CPLANE1: variants seen among roughly 807,000 people sequenced by gnomAD.
The protein encoded by CPLANE1 is ciliogenesis and planar polarity effector 1.
Under a neutral mutation model 362.5 loss-of-function variants are expected in CPLANE1, and 263 were observed. The observed-to-expected ratio is 0.73, with a 90% CI of 0.66 to 0.80. The LOEUF (loss-of-function observed/expected upper bound fraction) is 0.80, where lower values mean the gene tolerates loss of function less well. Among genes scored for constraint, CPLANE1 ranks in the 30% least tolerant of loss-of-function variants. The pLI is 0.00. For missense variants in CPLANE1, 3,461 were observed against 3,793.4 expected, an observed-to-expected ratio of 0.91 and a Z score of 2.30; for synonymous variants, 1,212 against 1,302.6, an observed-to-expected ratio of 0.93 and a Z score of 1.50.
At chr5:37,245,162 A>T (rs1182019964) in intron 4 of CPLANE1, among the ~76,000 whole-genome samples, 2 of 151,226 alleles carry the variant, frequency 1.3e-5, no homozygotes, top group East Asian at 3.9e-4. Context: ...GAAAAAAAAA[A>T]GTACAAAAAT....
chr5:37,147,137 A>T (rs574582684), intron 43 of CPLANE1, among the ~76,000 whole-genome samples: 22 of 152,350 alleles, frequency 1.4e-4, no homozygotes, highest in Admixed American at 7.2e-4. Flanking sequence ...TCTGGACAAC[A>T]CAATTTAGAA....
rs557010119 is a variant in CPLANE1, at chr5:37,185,139, G to A, written c.4190-60C>T. The A allele has an allele frequency of 6.7e-6, 10 of 1,493,984 alleles. No homozygotes were observed. The East Asian group carries it at 1.8e-4, about 27-fold the overall frequency. 92.5% of individuals were successfully genotyped at this position (1,493,984 alleles called of 1,614,324 possible). A position where few individuals can be genotyped will look rare whatever the true frequency, so the allele number is the denominator to read the frequency against. ...TTAAAATATTTCAATTCAAGACATA[G>A]GAGACCCAACTCTGGTCCCTCCTGG... On this transcript the variant is annotated intron_variant, in intron 24 of 52. Coordinates refer to ENST00000651892, the MANE Select transcript of CPLANE1 (RefSeq NM_001384732.1).
At chr5:37,187,700 G>T in intron 22 of CPLANE1, 33 bp downstream of exon 22, 1 of 1,584,326 alleles carries the variant, frequency 6.3e-7, no homozygotes, top group Non-Finnish European at 8.6e-7. Context: ...CTTAACGTGT[G>T]TTCATTTTTC....
the CPLANE1 span, among the ~76,000 whole-genome samples, chr5:37,098,421 C>G: frequency 7.1e-6 from 1 of 140,430 alleles, no homozygotes; most frequent in Non-Finnish European, 1.5e-5. Context: ...AAAAACCACA[C>G]ACATACACCT....
At chr5:37,217,384 T>C (rs12515577) in intron 15 of CPLANE1, among the ~76,000 whole-genome samples, 16,727 of 151,948 alleles carry the variant, frequency 0.11, 996 homozygotes, top group Admixed American at 0.15. Flanking sequence ...GGCAGGTGGA[T>C]CACCTGAGGT....
downstream of CPLANE1, among the ~76,000 whole-genome samples, chr5:37,103,785 C>T (rs1421684403): frequency 6.6e-6 from 1 of 152,060 alleles, no homozygotes; most frequent in Non-Finnish European, 1.5e-5. Flanking sequence ...GCCTCTCTGG[C>T]TGCCCTTAAC....
Position 37,107,517 on chromosome 5 carries a change from C to A in CPLANE1, c.*85G>T. On this transcript the variant is annotated 3_prime_UTR_variant, in exon 53 of 53. Transcript: ENST00000651892. ...AAAATTCACATTGCTTCTTTCATTG[C>A]TTCTGTCCCTTAAACCTGTTAATCT... 1.5e-6 allele frequency: 2 copies of A among 1,362,602 alleles called. No individual in the cohort carries two copies. The highest frequency in any genetic ancestry group is 1.9e-6 in the Non-Finnish European group (2 of 1,048,798). 84.4% of individuals were successfully genotyped at this position (1,362,602 alleles called of 1,614,324 possible).
At chr5:37,193,148 G>C (rs1461028721) in intron 21 of CPLANE1, among the ~76,000 whole-genome samples, 1 of 150,908 alleles carries the variant, frequency 6.6e-6, no homozygotes, top group East Asian at 2.0e-4. Context: ...CAGCCTGGGC[G>C]ACAGTGCAAG....
In CPLANE1 at chr5:37,238,666, C is replaced by A. The variant is rs577115069; in HGVS notation, c.938+191G>T. On this transcript the variant is annotated intron_variant, in intron 8 of 52. Transcript: ENST00000651892. ...GTCCACCACCATGCTCGGCTAATTT[C>A]TTTTTATTTTTTAGTAAAGATGAGG... Among the ~76,000 whole-genome samples, 7 of 151,068 alleles carry A rather than the reference C, an allele frequency of 4.6e-5. No individual in the cohort carries two copies. In the East Asian group the frequency reaches 1.4e-3, roughly 29 times the overall value.
At chr5:37,173,281 T>C (rs1780289285) in intron 32 of CPLANE1, among the ~76,000 whole-genome samples, 3 of 152,272 alleles carry the variant, frequency 2.0e-5, no homozygotes, top group South Asian at 2.1e-4. Context: ...TATGTGATAG[T>C]GTCAGCTGGA....
chr5:37,124,042 T>C (rs771692183), intron 47 of CPLANE1, among the ~76,000 whole-genome samples: 2 of 151,980 alleles, frequency 1.3e-5, no homozygotes, highest in African/African-American at 4.8e-5. Flanking sequence ...CACTACCATG[T>C]CTCCTGGGCT....
intron 9 of CPLANE1, 124 bp from the exon 10 acceptor site, chr5:37,227,941 A>G: frequency 1.2e-6 from 1 of 847,760 alleles, no homozygotes; most frequent in African/African-American, 1.7e-5. Context: ...GAAACACACA[A>G]AAATATTAAA....
intron 36 of CPLANE1, among the ~76,000 whole-genome samples, chr5:37,165,054 T>G (rs1420456084): frequency 6.6e-6 from 1 of 152,170 alleles, no homozygotes; most frequent in Non-Finnish European, 1.5e-5. Context: ...TGCAGTGAGC[T>G]ATATTTATGC....
In CPLANE1 at chr5:37,226,532, C is replaced by G; in HGVS notation, c.2063G>C (p.Cys688Ser). ...GQLFSEKLLA[C>S]FYLLKMVADN... ...AGCTACCATTTTGAGTAAATAAAAA[C>G]AAGCTAAAAGTTTCTCTGAGAATAA... is the stretch of plus-strand genomic sequence containing the variant. Residue 688 changes from cysteine (C) to serine (S), a missense_variant, in exon 12 of 53, where the codon TGT (cysteine) becomes TCT (serine). Physicochemically the swap from Cys to Ser is moderately radical, Grantham distance 112. Around this residue, in one of 2 missense-constraint regions of CPLANE1, gnomAD observed 3,380 missense variants for 3,666.1 expected, o/e 0.92. Coordinates refer to ENST00000651892, the MANE Select transcript of CPLANE1 (RefSeq NM_001384732.1). 1 of 1,547,956 alleles carries G rather than the reference C, an allele frequency of 6.5e-7. No homozygotes were observed. The highest frequency in any genetic ancestry group is 1.2e-5 in the South Asian group (1 of 83,232).
chr5:37,232,377 G>A (rs1797902620), intron 8 of CPLANE1, among the ~76,000 whole-genome samples: 1 of 152,118 alleles, frequency 6.6e-6, no homozygotes, highest in Admixed American at 6.5e-5. Flanking sequence ...AATTAGCCAG[G>A]CATGGTGGTG....
intron 20 of CPLANE1, among the ~76,000 whole-genome samples, chr5:37,196,744 G>A (rs1458796504): frequency 6.6e-6 from 1 of 152,224 alleles, no homozygotes; most frequent in Admixed American, 6.5e-5. Flanking sequence ...GGCCAACATG[G>A]TGAAACTCCA....
At chr5:37,200,182 C>T (rs750333845) in intron 19 of CPLANE1, among the ~76,000 whole-genome samples, 28 of 152,164 alleles carry the variant, frequency 1.8e-4, no homozygotes, top group Admixed American at 9.8e-4. Context: ...CAATAAATGC[C>T]GTTATTGTTT....
chr5:37,235,929 G>A lies in CPLANE1; in HGVS notation c.938+2928C>T, dbSNP rs182732485. Among the ~76,000 whole-genome samples, 708 of 150,104 alleles carry A rather than the reference G, an allele frequency of 4.7e-3. 3 individuals carry two copies. Among genetic ancestry groups the A allele is most frequent in the Non-Finnish European group, 5.8e-3 (394 of 67,736 alleles). Reference sequence around the variant, plus strand: ...TTGTTGCCCAGGCTGGAGTGCAACGGTGCAATCTCGGCTCACCACAACCTC... The same window carrying A: ...TTGTTGCCCAGGCTGGAGTGCAACGATGCAATCTCGGCTCACCACAACCTC... On this transcript the variant is annotated intron_variant, in intron 8 of 52. Coordinates refer to ENST00000651892, the MANE Select transcript of CPLANE1 (RefSeq NM_001384732.1).
intron 6 of CPLANE1, among the ~76,000 whole-genome samples, chr5:37,242,140 G>A (rs903002896): frequency 1.3e-5 from 2 of 152,110 alleles, no homozygotes; most frequent in African/African-American, 2.4e-5. Context: ...CAGATCACAA[G>A]GTCAGTAGTT....
Sources: allele counts gnomAD v4.1 joint callset (sites outside exome capture counted in the v4.1 genomes callset), GRCh38; gene constraint gnomAD v4.1.1; regional missense constraint gnomAD v4.1.1; transcripts MANE v1.5; gene names NCBI Gene and HGNC (gene_info 2026-07-23, HGNC 2026-07-21).